The following CADM2 variants were observed in gnomAD, a reference collection of about 807,000 sequenced individuals.
The protein encoded by CADM2 is immunoglobulin superfamily member 4D.
CADM2 carries 12 observed loss-of-function variants against 49.8 expected under a neutral mutation model. The ratio of observed to expected loss-of-function variants is 0.24; its 90% CI spans 0.15 to 0.39. CADM2 has a LOEUF of 0.39. Among genes scored for constraint, CADM2 ranks in the 10% least tolerant of loss-of-function variants. The pLI, the probability that CADM2 is intolerant of heterozygous loss-of-function variation, is 1.00. For missense variants in CADM2, 378 were observed against 492.3 expected (o/e 0.77, Z 2.20); for synonymous variants, 214 against 175.4 (o/e 1.22, Z -1.74).
At chr3:85,738,221 A>G (rs1442918669) in intron 2 of CADM2, among the ~76,000 whole-genome samples, 1 of 152,312 alleles carries the variant, frequency 6.6e-6, no homozygotes, top group South Asian at 2.1e-4. Context: ...GAAACTAGGA[A>G]ATAGAGAGCA....
At chr3:85,239,348 TATTTCAAACTAAAGAGTTATAAC>T (rs1420602831) in intron 1 of CADM2, among the ~76,000 whole-genome samples, 1 of 151,770 alleles carries the variant, frequency 6.6e-6, no homozygotes, top group Non-Finnish European at 1.5e-5. Flanking sequence ...TAATATTGGT[TATTTCAAACTAAAGAGTTATAAC>T]ATTTCAAACT....
chr3:85,117,555 T>A (rs2038683154), intron 1 of CADM2, among the ~76,000 whole-genome samples: 1 of 152,184 alleles, frequency 6.6e-6, no homozygotes, highest in Admixed American at 6.5e-5. Flanking sequence ...TTTGATTTTT[T>A]AAATATATTT....
chr3:85,035,509 A>G (rs897861568), intron 1 of CADM2, among the ~76,000 whole-genome samples: 45 of 152,280 alleles, frequency 3.0e-4, no homozygotes, highest in African/African-American at 9.6e-4. Context: ...CCACTGTCCA[A>G]GAGAGTTTTC....
chr3:85,863,301 G>A (rs1334832481), intron 3 of CADM2, among the ~76,000 whole-genome samples: 1 of 152,160 alleles, frequency 6.6e-6, no homozygotes, highest in African/African-American at 2.4e-5. Context: ...CCAAAATCAT[G>A]TGGTTATTTA....
chr3:85,702,894 A>G (rs1023730272), intron 1 of CADM2, among the ~76,000 whole-genome samples: 1 of 152,124 alleles, frequency 6.6e-6, no homozygotes, highest in East Asian at 1.9e-4. Context: ...ACATGACACT[A>G]CTAAATGTTT....
chr3:85,976,624 G>A (rs947451622), intron 8 of CADM2, among the ~76,000 whole-genome samples: 2 of 151,526 alleles, frequency 1.3e-5, no homozygotes, highest in Non-Finnish European at 3.0e-5. Flanking sequence ...ACAAAATGAA[G>A]CTAGTAGTAG....
rs768595396 is a variant in CADM2, at chr3:85,825,484, C to T, written c.238+23288C>T. 4.9e-4 allele frequency among the ~76,000 whole-genome samples: 74 copies of T among 152,002 alleles called. 2 individuals carry two copies. The highest frequency in any genetic ancestry group is 3.3e-3 in the Admixed American group (50 of 15,210). ...ATATGCTGCCATTGCCTTTCTTTGG[C>T]TGAACCTAATTGTAAGCCAGAGGAC... On this transcript the variant is annotated intron_variant, in intron 3 of 9. Coordinates refer to ENST00000383699, the MANE Select transcript of CADM2 (RefSeq NM_001167675.2).
chr3:85,842,623 A>G (rs2074689719), intron 3 of CADM2, among the ~76,000 whole-genome samples: 4 of 152,120 alleles, frequency 2.6e-5, no homozygotes, highest in African/African-American at 9.7e-5. Context: ...AAGGTTAGGA[A>G]GCAGGGAAGC....
At chr3:86,046,972 T>A (rs1222614557) in intron 8 of CADM2, among the ~76,000 whole-genome samples, 1 of 152,054 alleles carries the variant, frequency 6.6e-6, no homozygotes, top group Non-Finnish European at 1.5e-5. Flanking sequence ...CAGACTCCAT[T>A]CATTTATCAA....
chr3:85,913,128 G>T (rs1460960879), intron 6 of CADM2, among the ~76,000 whole-genome samples: 2 of 152,068 alleles, frequency 1.3e-5, no homozygotes, highest in African/African-American at 2.4e-5. Flanking sequence ...ACTCATTTAC[G>T]AATAGTAGCC....
At chr3:85,526,917 T>A (rs1331494829) in intron 1 of CADM2, among the ~76,000 whole-genome samples, 1 of 152,210 alleles carries the variant, frequency 6.6e-6, no homozygotes, top group East Asian at 1.9e-4. Context: ...TTGTTTAGGA[T>A]TTGAACACAA....
At chr3:85,702,530 A>G (rs1387929145) in intron 1 of CADM2, among the ~76,000 whole-genome samples, 1 of 152,154 alleles carries the variant, frequency 6.6e-6, no homozygotes, top group Non-Finnish European at 1.5e-5. Context: ...TGTCTATAGA[A>G]ATGTTTTTGC....
At chr3:85,006,351 C>CAG (rs1410921042) in intron 1 of CADM2, among the ~76,000 whole-genome samples, 3 of 152,212 alleles carry the variant, frequency 2.0e-5, no homozygotes, top group East Asian at 3.9e-4. Context: ...CATTCACTGT[C>CAG]AGAGAGACTG....
chr3:85,097,413 G>T (rs2037840981), intron 1 of CADM2, among the ~76,000 whole-genome samples: 1 of 152,086 alleles, frequency 6.6e-6, no homozygotes, highest in Non-Finnish European at 1.5e-5. Context: ...TGGACATTTG[G>T]GTTGGTTCCA....
chr3:84,972,701 C>T (rs1050259085), intron 1 of CADM2, among the ~76,000 whole-genome samples: 2 of 151,992 alleles, frequency 1.3e-5, no homozygotes, highest in African/African-American at 4.8e-5. Context: ...TCTTCATAGC[C>T]TTTGGTTTTC....
intron 8 of CADM2, among the ~76,000 whole-genome samples, chr3:85,974,127 A>C (rs1161547648): frequency 6.6e-6 from 1 of 151,738 alleles, no homozygotes; most frequent in Admixed American, 6.6e-5. Context: ...AAATATAAAC[A>C]TGTACACGGG....
chr3:85,279,214 A>G (rs1181166757), intron 1 of CADM2, among the ~76,000 whole-genome samples: 1 of 151,546 alleles, frequency 6.6e-6, no homozygotes, highest in African/African-American at 2.4e-5. Context: ...TTCAATAAAT[A>G]TGTTATAAGA....
intron 1 of CADM2, among the ~76,000 whole-genome samples, chr3:85,393,277 A>G (rs961318015): frequency 6.6e-6 from 1 of 152,090 alleles, no homozygotes; most frequent in East Asian, 1.9e-4. Context: ...TGGCGCACAT[A>G]ATGATGTCCA....
At chr3:85,449,390 A>G (rs533233266) in intron 1 of CADM2, among the ~76,000 whole-genome samples, 3 of 152,080 alleles carry the variant, frequency 2.0e-5, no homozygotes, top group African/African-American at 7.2e-5. Flanking sequence ...TGCATGAACT[A>G]TCAATGTATA....
Sources: gnomAD v4.1 joint callset for allele counts (sites outside exome capture counted in the v4.1 genomes callset) on GRCh38, gnomAD v4.1.1 for gene constraint, MANE v1.5 for transcripts, NCBI Gene and HGNC (gene_info 2026-07-23, HGNC 2026-07-21) for gene names.